Variants in SPAG16 observed in about 807,000 individuals in gnomAD.
The protein encoded by SPAG16 is sperm associated antigen 16.
Under a neutral mutation model 80.4 loss-of-function variants are expected in SPAG16, and 86 were observed. The observed-to-expected ratio is 1.07, with a 90% CI of 0.90 to 1.28. The LOEUF (loss-of-function observed/expected upper bound fraction) is 1.28, where lower values mean the gene tolerates loss of function less well. Among genes scored for constraint, SPAG16 ranks in the 50% most tolerant of loss-of-function variants. The pLI is 0.00. For missense variants in SPAG16, 870 were observed against 765.3 expected, an observed-to-expected ratio of 1.14 and a Z score of -1.61; for synonymous variants, 294 against 265.9, an observed-to-expected ratio of 1.11 and a Z score of -1.03.
At chr2:214,355,888 T>C (rs578157474) in intron 15 of SPAG16, among the ~76,000 whole-genome samples, 2 of 150,080 alleles carry the variant, frequency 1.3e-5, no homozygotes, top group East Asian at 2.0e-4. Context: ...ATGGATGAAA[T>C]TGGAAATCAT....
rs932033783 is a variant in SPAG16, at chr2:213,426,869, A to G, written c.942+51750A>G. On this transcript the variant is annotated intron_variant, in intron 9 of 15. Transcript: ENST00000331683. ...CACACACACACACACACACACACAC[A>G]CACACACACACACAGGGCTACACTC... Among the ~76,000 whole-genome samples, 11 of 150,614 alleles carry G rather than the reference A, an allele frequency of 7.3e-5. No homozygotes were observed. The South Asian group carries it at 2.1e-3, about 29-fold the overall frequency.
At chr2:214,082,314 AATC>A (rs1223481533) in intron 13 of SPAG16, among the ~76,000 whole-genome samples, 13 of 152,052 alleles carry the variant, frequency 8.5e-5, no homozygotes, top group Non-Finnish European at 1.9e-4. Flanking sequence ...TCTCCTCATC[AATC>A]TTCTTTCATT....
intron 15 of SPAG16, among the ~76,000 whole-genome samples, chr2:214,385,415 T>C (rs530268073): frequency 1.3e-5 from 2 of 152,354 alleles, no homozygotes; most frequent in African/African-American, 2.4e-5. Context: ...ATTTGATATA[T>C]GAAGAATCTG....
chr2:213,473,344 G>A (rs752201426), intron 9 of SPAG16, among the ~76,000 whole-genome samples: 3 of 152,174 alleles, frequency 2.0e-5, no homozygotes, highest in Admixed American at 6.5e-5. Flanking sequence ...TTTAAATTTT[G>A]TAGATGAGAA....
chr2:214,071,580 A>G (rs2050789775), intron 13 of SPAG16, among the ~76,000 whole-genome samples: 1 of 152,144 alleles, frequency 6.6e-6, no homozygotes, highest in Non-Finnish European at 1.5e-5. Flanking sequence ...TTAACCCAAC[A>G]TGAACTCCAA....
chr2:213,558,917 C>A (rs750798461), intron 10 of SPAG16, among the ~76,000 whole-genome samples: 6 of 152,080 alleles, frequency 3.9e-5, no homozygotes, highest in Admixed American at 3.9e-4. Context: ...GACATCATGT[C>A]ATTTCACTCA....
intron 12 of SPAG16, among the ~76,000 whole-genome samples, chr2:213,992,281 A>G (rs976750897): frequency 6.6e-6 from 1 of 152,126 alleles, no homozygotes; most frequent in Non-Finnish European, 1.5e-5. Flanking sequence ...TCTCCGTGAC[A>G]GTAATGCCAC....
chr2:213,809,968 A>G (rs2072026907), intron 10 of SPAG16, among the ~76,000 whole-genome samples: 1 of 152,180 alleles, frequency 6.6e-6, no homozygotes, highest in African/African-American at 2.4e-5. Context: ...AGTTTAGATG[A>G]TAAACCATAC....
intron 15 of SPAG16, among the ~76,000 whole-genome samples, chr2:214,354,149 A>AT (rs1341390227): frequency 6.6e-6 from 1 of 152,112 alleles, no homozygotes; most frequent in Admixed American, 6.5e-5. Flanking sequence ...AAATAAAAAA[A>AT]TCAAAAAAAT....
At chr2:213,800,506 T>G (rs1404642543) in intron 10 of SPAG16, among the ~76,000 whole-genome samples, 3 of 152,072 alleles carry the variant, frequency 2.0e-5, no homozygotes, top group African/African-American at 7.2e-5. Context: ...TATCTAGGAC[T>G]ACACGTGCAC....
chr2:213,354,134 T>C (rs1341504597), intron 7 of SPAG16, among the ~76,000 whole-genome samples: 1 of 152,092 alleles, frequency 6.6e-6, no homozygotes, highest in Non-Finnish European at 1.5e-5. Flanking sequence ...GAACATGCGG[T>C]GTTTGGTTTT....
At chr2:214,031,346 C>A (rs866478106) in intron 13 of SPAG16, among the ~76,000 whole-genome samples, 2 of 145,156 alleles carry the variant, frequency 1.4e-5, no homozygotes, top group African/African-American at 5.2e-5. Context: ...GGACAAAAAA[C>A]CAAACACCGC....
At chr2:213,366,397 C>CA (rs2066292702) in intron 8 of SPAG16, among the ~76,000 whole-genome samples, 1 of 148,572 alleles carries the variant, frequency 6.7e-6, no homozygotes, top group African/African-American at 2.5e-5. Context: ...GTGAGAAAAT[C>CA]TTTTTTTTTT....
At position 213,317,370 on chromosome 2, in the gene SPAG16, T is replaced by A. The variant is rs767048842; in HGVS notation, c.536+14T>A. ...ACAAGCAGCTGAGTATGTTATTTTT[T>A]AAATGACATTTTCTTCTTTTTCTTT... On this transcript the variant is annotated intron_variant, in intron 5 of 15. Transcript: ENST00000331683. 4 of 1,599,090 alleles carry A rather than the reference T, an allele frequency of 2.5e-6. No individual in the cohort carries two copies. The highest frequency in any genetic ancestry group is 1.8e-5 in the Admixed American group (1 of 57,010).
At chr2:213,674,092 C>A (rs1011646409) in intron 10 of SPAG16, among the ~76,000 whole-genome samples, 1 of 151,994 alleles carries the variant, frequency 6.6e-6, no homozygotes, top group Non-Finnish European at 1.5e-5. Context: ...GTGTTATAAA[C>A]TTTAAACAAA....
intron 13 of SPAG16, among the ~76,000 whole-genome samples, chr2:214,051,392 A>G (rs1416517549): frequency 6.6e-6 from 1 of 152,262 alleles, no homozygotes; most frequent in East Asian, 1.9e-4. Flanking sequence ...GAATCTGCAG[A>G]AGCCTGTGAA....
intron 10 of SPAG16, among the ~76,000 whole-genome samples, chr2:213,820,579 G>A (rs1049121840): frequency 1.1e-4 from 17 of 152,016 alleles, no homozygotes; most frequent in African/African-American, 4.1e-4. Flanking sequence ...AACTTTCTAA[G>A]AACATCATAT....
At chr2:213,918,383 A>G (rs991903798) in intron 11 of SPAG16, among the ~76,000 whole-genome samples, 3 of 148,094 alleles carry the variant, frequency 2.0e-5, no homozygotes, top group African/African-American at 7.4e-5. Context: ...GAATTTGGCT[A>G]TGAATCTATC....
At chr2:214,306,083 A>T (rs1038361499) in intron 15 of SPAG16, among the ~76,000 whole-genome samples, 3 of 151,990 alleles carry the variant, frequency 2.0e-5, no homozygotes, top group African/African-American at 7.2e-5. Flanking sequence ...TCATATAAAG[A>T]TCTTTCACCT....
Sources: gnomAD v4.1 joint callset for allele counts (sites outside exome capture counted in the v4.1 genomes callset) on GRCh38, gnomAD v4.1.1 for gene constraint, MANE v1.5 for transcripts, NCBI Gene and HGNC (gene_info 2026-07-23, HGNC 2026-07-21) for gene names.